Variants in GNAO1 observed in about 807,000 individuals in gnomAD.
GNAO1 encodes the protein G protein subunit alpha o1, also known as guanine nucleotide-binding protein G(o) subunit alpha.
For missense variants in GNAO1, 166 were observed against 478.7 expected (o/e 0.35, Z 6.10); for synonymous variants, 164 against 180.7 (o/e 0.91, Z 0.74).
At chr16:56,347,344 T>C in intron 6 of GNAO1, 2 of 985,520 alleles carry the variant, frequency 2.0e-6, no homozygotes, top group Non-Finnish European at 2.4e-6. Flanking sequence ...CAGTTCCTGC[T>C]GTCAGGCCGC....
intron 2 of GNAO1, among the ~76,000 whole-genome samples, chr16:56,233,413 G>A (rs2036609420): frequency 6.6e-6 from 1 of 152,188 alleles, no homozygotes; most frequent in African/African-American, 2.4e-5. Context: ...ACACGTTTCT[G>A]AGAGTCAGAT....
intron 2 of GNAO1, among the ~76,000 whole-genome samples, chr16:56,199,712 C>T (rs1321389638): frequency 6.6e-6 from 1 of 152,150 alleles, no homozygotes; most frequent in East Asian, 1.9e-4. Flanking sequence ...GTTTCCAGCT[C>T]TAAGATGCAG....
At chr16:56,218,836 T>C (rs912909733) in intron 2 of GNAO1, among the ~76,000 whole-genome samples, 9 of 152,242 alleles carry the variant, frequency 5.9e-5, no homozygotes, top group African/African-American at 1.9e-4. Flanking sequence ...TGCCTCAGCA[T>C]AGATGTCACC....
intron 4 of GNAO1, among the ~76,000 whole-genome samples, chr16:56,332,838 T>C (rs564268387): frequency 9.2e-5 from 14 of 152,374 alleles, no homozygotes; most frequent in Admixed American, 3.9e-4. Context: ...GGTGTCCAGC[T>C]GCAGATGACA....
intron 3 of GNAO1, among the ~76,000 whole-genome samples, chr16:56,298,652 C>T (rs1428940784): frequency 6.6e-6 from 1 of 152,086 alleles, no homozygotes; most frequent in Non-Finnish European, 1.5e-5. Context: ...ATGGCTCACA[C>T]CTGTAATCCC....
intron 2 of GNAO1, among the ~76,000 whole-genome samples, chr16:56,222,722 G>A (rs1019846953): frequency 6.6e-6 from 1 of 152,126 alleles, no homozygotes. Context: ...AATGGAGTGA[G>A]CCGAGGAAAA....
At chr16:56,194,412 G>T (rs917157944) in intron 2 of GNAO1, 15 of 373,878 alleles carry the variant, frequency 4.0e-5, no homozygotes, top group African/African-American at 2.7e-4. Context: ...TCTGTAATCA[G>T]CAGTGGCGGA....
At chr16:56,312,529 G>A (rs760440493) in intron 3 of GNAO1, among the ~76,000 whole-genome samples, 26 of 152,244 alleles carry the variant, frequency 1.7e-4, no homozygotes, top group Non-Finnish European at 7.3e-5. Flanking sequence ...GGTTGGCTCA[G>A]CCAGCTCTGA....
At chr16:56,298,310 C>G (rs1002768412) in intron 3 of GNAO1, among the ~76,000 whole-genome samples, 1 of 152,154 alleles carries the variant, frequency 6.6e-6, no homozygotes, top group South Asian at 2.1e-4. Flanking sequence ...GAAGAGGATG[C>G]GAGCCCCAGA....
chr16:56,264,256 A>T lies in GNAO1; in HGVS notation c.162-11675A>T, dbSNP rs189131480. Among the ~76,000 whole-genome samples, 3 of 152,356 alleles carry T rather than the reference A, an allele frequency of 2.0e-5. No homozygotes were observed. In the East Asian group the frequency reaches 5.8e-4, roughly 29 times the overall value. ...GTCACGATATCTGTAATCTAGGGCC[A>T]GGGGCCCCAGACCAGCAATGCTACC... is the stretch of plus-strand genomic sequence containing the variant. On this transcript the variant is annotated intron_variant, in intron 2 of 8. Coordinates refer to ENST00000262493, the MANE Select transcript of GNAO1 (RefSeq NM_020988.3).
chr16:56,335,535 G>C (rs1353030713), intron 5 of GNAO1, among the ~76,000 whole-genome samples: 1 of 152,222 alleles, frequency 6.6e-6, no homozygotes, highest in Non-Finnish European at 1.5e-5. Flanking sequence ...ACCCCTGCTG[G>C]GAGAGCTGGA....
intron 3 of GNAO1, among the ~76,000 whole-genome samples, chr16:56,310,417 T>C (rs1467942023): frequency 1.3e-5 from 2 of 152,244 alleles, no homozygotes; most frequent in African/African-American, 4.8e-5. Flanking sequence ...TTATGTGCTA[T>C]AGTGTTCTGT....
At chr16:56,262,075 T>A (rs1415403172) in intron 2 of GNAO1, among the ~76,000 whole-genome samples, 2 of 152,160 alleles carry the variant, frequency 1.3e-5, no homozygotes, top group African/African-American at 4.8e-5. Context: ...AGGCTAGAAG[T>A]GGGGAGAATC....
intron 2 of GNAO1, among the ~76,000 whole-genome samples, chr16:56,251,627 C>T (rs2036800749): frequency 6.6e-6 from 1 of 152,178 alleles, no homozygotes; most frequent in Non-Finnish European, 1.5e-5. Flanking sequence ...AAGAGCTTGC[C>T]TGTGGCTTTG....
At chr16:56,226,542 C>G (rs1377403801) in intron 2 of GNAO1, 2 of 152,128 alleles carry the variant, frequency 1.3e-5, no homozygotes, top group African/African-American at 4.8e-5. Flanking sequence ...GCTCTGAGCA[C>G]CTGGGTAGAT....
At chr16:56,350,831 G>A (rs183328080) in intron 6 of GNAO1, among the ~76,000 whole-genome samples, 2 of 152,292 alleles carry the variant, frequency 1.3e-5, no homozygotes, top group East Asian at 3.9e-4. Context: ...CCCAGGAGGA[G>A]AGGTCTAGGC....
intron 2 of GNAO1, among the ~76,000 whole-genome samples, chr16:56,211,993 A>G (rs2036393450): frequency 6.6e-6 from 1 of 152,222 alleles, no homozygotes; most frequent in African/African-American, 2.4e-5. Context: ...AAAGGAAGGG[A>G]CAAACTGCAA....
At chr16:56,345,057 C>T (rs2037850495) in intron 6 of GNAO1, 2 of 985,432 alleles carry the variant, frequency 2.0e-6, no homozygotes, top group East Asian at 2.3e-4. Flanking sequence ...AACACACCCC[C>T]CTGTCCCCAA....
In GNAO1 at chr16:56,326,216, G is replaced by T. The variant is rs570205888; in HGVS notation, c.304-2415G>T. Among the ~76,000 whole-genome samples the T allele has an allele frequency of 3.3e-5, 5 of 152,186 alleles. No homozygotes were observed. Among genetic ancestry groups the T allele is most frequent in the African/African-American group, 1.2e-4 (5 of 41,454 alleles). On this transcript the variant is annotated intron_variant, in intron 3 of 8. Coordinates refer to ENST00000262493, the MANE Select transcript of GNAO1 (RefSeq NM_020988.3). This position sits in a 1 kb window ranked among gnomAD's most constrained non-coding sequence, Gnocchi z 4.8. ...CACCCTGAGGCGTGGTGCCCCAGGC[G>T]GGCAGTAGTCACTAGGCAGGGGTGT...
Sources: allele counts gnomAD v4.1 joint callset (sites outside exome capture counted in the v4.1 genomes callset), GRCh38; gene constraint gnomAD v4.1.1; non-coding constraint Gnocchi (gnomAD v3.1); transcripts MANE v1.5; gene names NCBI Gene and HGNC (gene_info 2026-07-23, HGNC 2026-07-21).